ZNF148: variants seen among roughly 807,000 people sequenced by gnomAD.
The protein encoded by ZNF148 is Beta-Enolase Repressor Factor-1.
In ZNF148, 7 loss-of-function variants were observed where a neutral mutation model predicts 67.7. The ratio of observed to expected loss-of-function variants is 0.10; its 90% CI spans 0.06 to 0.19. The LOEUF is 0.19. Ranked by LOEUF, ZNF148 falls within the 10% of genes least tolerant of loss-of-function variation. ZNF148 has a pLI of 1.00. For missense variants in ZNF148, 583 were observed against 947.1 expected (o/e 0.62, Z 5.05); for synonymous variants, 333 against 330.7 (o/e 1.01, Z -0.08).
In ZNF148 at chr3:125,249,509, C is replaced by G. The variant is rs1936743778; in HGVS notation, c.668-15180G>C. ...GTTAGGATGGCTATTATCAAAAAGT[C>G]AAATGATAACAAGTGTTGGTGAAGC... On this transcript the variant is annotated intron_variant, in intron 7 of 8. Coordinates refer to ENST00000360647, the MANE Select transcript of ZNF148 (RefSeq NM_021964.3). Among the ~76,000 whole-genome samples the G allele has an allele frequency of 1.3e-5, 2 of 151,886 alleles. 1 individual carries two copies. Among genetic ancestry groups the G allele is most frequent in the South Asian group, 4.2e-4 (2 of 4,796 alleles).
At chr3:125,349,487 A>G (rs1348272405) in intron 1 of ZNF148, among the ~76,000 whole-genome samples, 2 of 152,228 alleles carry the variant, frequency 1.3e-5, no homozygotes, top group East Asian at 3.8e-4. Context: ...GATGCTCACC[A>G]TCAGTAATCA....
At chr3:125,336,677 C>CTTTTTTTTTTTTTTTTTTTT (rs71148176) in intron 1 of ZNF148, among the ~76,000 whole-genome samples, 2 of 95,334 alleles carry the variant, frequency 2.1e-5, no homozygotes, top group Middle Eastern at 8.3e-3. Context: ...CAGAAATCAC[C>CTTTTTTTTTTTTTTTTTTTT]TTTTTTTTTT....
At chr3:125,250,569 T>C (rs1420829737) in intron 7 of ZNF148, among the ~76,000 whole-genome samples, 1 of 152,248 alleles carries the variant, frequency 6.6e-6, no homozygotes, top group African/African-American at 2.4e-5. Context: ...AAAAAAAATG[T>C]AGACCAATAA....
chr3:125,244,998 T>G (rs1936531617), intron 7 of ZNF148, among the ~76,000 whole-genome samples: 2 of 152,170 alleles, frequency 1.3e-5, no homozygotes, highest in African/African-American at 2.4e-5. Context: ...GCTTTCTGCT[T>G]ATCTCATTCT....
chr3:125,263,011 G>A (rs1579649684), intron 7 of ZNF148, among the ~76,000 whole-genome samples: 2 of 151,970 alleles, frequency 1.3e-5, no homozygotes, highest in East Asian at 1.9e-4. Flanking sequence ...CCCACCATTC[G>A]CTGTAACACA....
intron 3 of ZNF148, among the ~76,000 whole-genome samples, chr3:125,322,414 A>T (rs1241397905): frequency 6.6e-6 from 1 of 152,020 alleles, no homozygotes; most frequent in Non-Finnish European, 1.5e-5. Context: ...ATGCAGTAAT[A>T]AAAATTAAGT....
intron 2 of ZNF148, among the ~76,000 whole-genome samples, chr3:125,329,333 ATATATATAAAATTT>A (rs1941173719): frequency 1.1e-5 from 1 of 90,340 alleles, no homozygotes; most frequent in African/African-American, 4.5e-5. Flanking sequence ...AATTTTTTAT[ATATATATAAAATTT>A]TACATATATA....
chr3:125,338,659 C>CAAAAAAAA (rs757727396), intron 1 of ZNF148, among the ~76,000 whole-genome samples: 3 of 51,184 alleles, frequency 5.9e-5, no homozygotes, highest in African/African-American at 8.1e-5. Flanking sequence ...GACCCTGTCT[C>CAAAAAAAA]AAAAAAAAAA....
intron 7 of ZNF148, among the ~76,000 whole-genome samples, chr3:125,274,649 C>T (rs1225145494): frequency 6.6e-6 from 1 of 152,086 alleles, no homozygotes; most frequent in Non-Finnish European, 1.5e-5. Context: ...CCACAGCTAC[C>T]AAGCAAGTAA....
intron 7 of ZNF148, among the ~76,000 whole-genome samples, chr3:125,260,454 G>C (rs1449995343): frequency 6.6e-6 from 1 of 152,158 alleles, no homozygotes; most frequent in East Asian, 1.9e-4. Flanking sequence ...TGAATTATTG[G>C]TGCATCAACA....
intron 7 of ZNF148, among the ~76,000 whole-genome samples, chr3:125,254,321 C>T (rs1936975402): frequency 6.6e-6 from 1 of 152,072 alleles, no homozygotes; most frequent in African/African-American, 2.4e-5. Context: ...ATGTACCTAC[C>T]ATGTACACTT....
At chr3:125,317,295 A>G (rs1014794001) in intron 3 of ZNF148, among the ~76,000 whole-genome samples, 1 of 152,186 alleles carries the variant, frequency 6.6e-6, no homozygotes, top group Non-Finnish European at 1.5e-5. Flanking sequence ...AAATAAGACA[A>G]AGTTTTAAAA....
At chr3:125,272,938 G>C (rs960377805) in intron 7 of ZNF148, among the ~76,000 whole-genome samples, 8 of 152,188 alleles carry the variant, frequency 5.3e-5, no homozygotes, top group African/African-American at 1.7e-4. Context: ...GGAGCTTGTA[G>C]TGCACACAAC....
intron 4 of ZNF148, among the ~76,000 whole-genome samples, chr3:125,296,865 G>A (rs1939309443): frequency 6.6e-6 from 1 of 151,544 alleles, no homozygotes; most frequent in African/African-American, 2.4e-5. Context: ...AATATAAATA[G>A]GCATGTAGAT....
chr3:125,289,926 A>G (rs1236035996), intron 4 of ZNF148, among the ~76,000 whole-genome samples: 2 of 152,178 alleles, frequency 1.3e-5, no homozygotes, highest in Admixed American at 1.3e-4. Context: ...ACATATATGG[A>G]AAGTGATTAT....
At chr3:125,241,169 T>C (rs913039034) in intron 7 of ZNF148, among the ~76,000 whole-genome samples, 2 of 152,106 alleles carry the variant, frequency 1.3e-5, no homozygotes, top group Admixed American at 6.5e-5. Flanking sequence ...GATTAGGGAA[T>C]GTATTTACAG....
chr3:125,281,824 T>C (rs1938404968), intron 5 of ZNF148, among the ~76,000 whole-genome samples: 1 of 152,210 alleles, frequency 6.6e-6, no homozygotes, highest in Non-Finnish European at 1.5e-5. Flanking sequence ...ATTTTATATT[T>C]TCCTTACTTT....
intron 2 of ZNF148, among the ~76,000 whole-genome samples, chr3:125,323,912 T>C (rs1042966936): frequency 2.0e-5 from 3 of 150,800 alleles, no homozygotes; most frequent in South Asian, 2.1e-4. Context: ...TGAGCCAAGA[T>C]TGCGCCACTG....
chr3:125,308,884 TATTA>T (rs1306394799), intron 4 of ZNF148, among the ~76,000 whole-genome samples: 5 of 152,240 alleles, frequency 3.3e-5, no homozygotes, highest in Admixed American at 6.5e-5. Flanking sequence ...CAAATTTTGA[TATTA>T]ATTAAAATGA....
Sources: gnomAD v4.1 joint callset for allele counts (sites outside exome capture counted in the v4.1 genomes callset) on GRCh38, gnomAD v4.1.1 for gene constraint, MANE v1.5 for transcripts, NCBI Gene and HGNC (gene_info 2026-07-23, HGNC 2026-07-21) for gene names.